Variants in STX8 observed in about 807,000 individuals in gnomAD.
STX8 encodes the protein syntaxin 8.
A neutral mutation model predicts 37.5 loss-of-function variants in STX8; 23 were observed. That is an observed-to-expected ratio of 0.61 (90% CI 0.44 to 0.87). The LOEUF (loss-of-function observed/expected upper bound fraction) is 0.87, where lower values mean the gene tolerates loss of function less well. Among genes scored for constraint, STX8 ranks in the 40% least tolerant of loss-of-function variants. The pLI, the probability that STX8 is intolerant of heterozygous loss-of-function variation, is 0.00. For missense variants in STX8, 313 were observed against 284.7 expected (o/e 1.10, Z -0.71); for synonymous variants, 115 against 99.1 (o/e 1.16, Z -0.95).
At position 9,337,776 on chromosome 17, in the gene STX8, G is replaced by C. The variant is rs190769118; in HGVS notation, c.643+40776C>G. On this transcript the variant is annotated intron_variant, in intron 7 of 7. Transcript: ENST00000306357. Reference sequence around the variant, plus strand: ...TGAAAAGTTAGTGAAGGGAAATGCGGGATAGAAAAGAGGGCAGGTATTCTG... The same window carrying C: ...TGAAAAGTTAGTGAAGGGAAATGCGCGATAGAAAAGAGGGCAGGTATTCTG... Among the ~76,000 whole-genome samples, 821 of 152,314 alleles carry C rather than the reference G, an allele frequency of 5.4e-3. 8 individuals are homozygous for C. The highest frequency in any genetic ancestry group is 0.018 in the African/African-American group (767 of 41,570).
At chr17:9,541,457 C>T (rs1017622716) in intron 4 of STX8, among the ~76,000 whole-genome samples, 4 of 152,190 alleles carry the variant, frequency 2.6e-5, no homozygotes, top group Non-Finnish European at 5.9e-5. Context: ...AGACACAATG[C>T]TCCAGTAATA....
chr17:9,296,138 C>T (rs532535366), intron 7 of STX8, among the ~76,000 whole-genome samples: 34 of 148,052 alleles, frequency 2.3e-4, no homozygotes, highest in Non-Finnish European at 4.3e-4. Flanking sequence ...TGCAGTGAGC[C>T]GAGATCGTGC....
At chr17:9,432,559 T>C (rs948429630) in intron 6 of STX8, among the ~76,000 whole-genome samples, 5 of 152,126 alleles carry the variant, frequency 3.3e-5, no homozygotes, top group Non-Finnish European at 5.9e-5. Flanking sequence ...GCCACTAAAA[T>C]AAAAGATGAG....
At chr17:9,306,737 C>G (rs1303634481) in intron 7 of STX8, among the ~76,000 whole-genome samples, 1 of 151,714 alleles carries the variant, frequency 6.6e-6, no homozygotes, top group East Asian at 1.9e-4. Context: ...TACACTCACG[C>G]CTGGGCAACC....
At chr17:9,492,706 T>C (rs892478538) in intron 5 of STX8, among the ~76,000 whole-genome samples, 3 of 152,168 alleles carry the variant, frequency 2.0e-5, no homozygotes, top group Non-Finnish European at 4.4e-5. Context: ...CCAGCCACTT[T>C]GGGAAGCCAA....
intron 6 of STX8, among the ~76,000 whole-genome samples, chr17:9,442,834 G>A (rs1023527834): frequency 1.3e-5 from 2 of 152,098 alleles, no homozygotes; most frequent in Non-Finnish European, 2.9e-5. Flanking sequence ...GCAGTGGTGT[G>A]GTATATTATT....
intron 5 of STX8, among the ~76,000 whole-genome samples, chr17:9,502,316 TGAG>T (rs1317264463): frequency 1.3e-5 from 2 of 151,790 alleles, no homozygotes; most frequent in African/African-American, 2.4e-5. Context: ...GGGGGAGAGA[TGAG>T]GAGATGTGGG....
At chr17:9,438,632 AAC>A (rs1467173193) in intron 6 of STX8, among the ~76,000 whole-genome samples, 1 of 152,124 alleles carries the variant, frequency 6.6e-6, no homozygotes, top group Non-Finnish European at 1.5e-5. Flanking sequence ...AACCATACAT[AAC>A]ACACAGTCAA....
intron 6 of STX8, among the ~76,000 whole-genome samples, chr17:9,484,171 C>G (rs1207452340): frequency 6.6e-6 from 1 of 152,108 alleles, no homozygotes. Context: ...CAAATATCAT[C>G]AGTCACTATT....
At chr17:9,373,514 C>G (rs1284409859) in intron 7 of STX8, among the ~76,000 whole-genome samples, 2 of 152,122 alleles carry the variant, frequency 1.3e-5, no homozygotes, top group Non-Finnish European at 2.9e-5. Flanking sequence ...TAAAAGTATA[C>G]ATATGATCCC....
chr17:9,539,325 G>C (rs1906183475), intron 4 of STX8, among the ~76,000 whole-genome samples: 1 of 152,194 alleles, frequency 6.6e-6, no homozygotes, highest in South Asian at 2.1e-4. Context: ...GAGAGGAAAA[G>C]AGCGTTGTGC....
chr17:9,252,443 C>CAA (rs763729858), intron 7 of STX8, among the ~76,000 whole-genome samples: 6 of 125,666 alleles, frequency 4.8e-5, no homozygotes, highest in African/African-American at 1.5e-4. Context: ...GACTCTGTCT[C>CAA]AAAAAAAAAA....
chr17:9,487,436 A>G (rs1248080893), intron 6 of STX8, among the ~76,000 whole-genome samples: 1 of 152,068 alleles, frequency 6.6e-6, no homozygotes, highest in Non-Finnish European at 1.5e-5. Context: ...TACAGCTATC[A>G]TGGCCTTTTT....
intron 2 of STX8, among the ~76,000 whole-genome samples, chr17:9,562,609 AAAAAAT>A (rs60953877): frequency 0.67 from 95,509 of 141,954 alleles, 32,101 homozygotes; most frequent in East Asian, 0.89. Flanking sequence ...CAGAAAAAAA[AAAAAAT>A]ATATATATAT....
chr17:9,493,433 C>G (rs922860608), intron 5 of STX8, among the ~76,000 whole-genome samples: 5 of 152,174 alleles, frequency 3.3e-5, no homozygotes, highest in Non-Finnish European at 7.3e-5. Context: ...TGCACAGTGG[C>G]CAGCAATACC....
At chr17:9,543,237 T>C (rs1397840580) in intron 4 of STX8, among the ~76,000 whole-genome samples, 1 of 151,988 alleles carries the variant, frequency 6.6e-6, no homozygotes, top group Non-Finnish European at 1.5e-5. Context: ...ATGTCCTTAT[T>C]AATTTCTTGA....
At chr17:9,502,427 AGATTTTAAGT>A (rs1336785088) in intron 5 of STX8, among the ~76,000 whole-genome samples, 1 of 152,222 alleles carries the variant, frequency 6.6e-6, no homozygotes. Flanking sequence ...CTAAGAGAGT[AGATTTTAAGT>A]GTTCTCACCA....
rs1013244004 is a variant in STX8, at chr17:9,408,623, T to C, written c.542-29970A>G. On this transcript the variant is annotated intron_variant, in intron 6 of 7. Coordinates refer to ENST00000306357, the MANE Select transcript of STX8 (RefSeq NM_004853.3). ...AAAACCACAAAGCCATGCTTACTCA[T>C]ACATCCTTTCACTCACCAGGGCTCT... Among the ~76,000 whole-genome samples the C allele has an allele frequency of 2.6e-5, 4 of 152,202 alleles. No individual in the cohort carries two copies. The East Asian group carries it at 7.7e-4, about 29-fold the overall frequency.
intron 7 of STX8, among the ~76,000 whole-genome samples, chr17:9,288,522 C>T (rs977831193): frequency 1.3e-5 from 2 of 151,810 alleles, no homozygotes; most frequent in Admixed American, 6.6e-5. Flanking sequence ...ATTAGCCGGG[C>T]GTGGTGGCAG....
Sources: allele counts gnomAD v4.1 joint callset (sites outside exome capture counted in the v4.1 genomes callset), GRCh38; gene constraint gnomAD v4.1.1; transcripts MANE v1.5; gene names NCBI Gene and HGNC (gene_info 2026-07-23, HGNC 2026-07-21).